OPHN1: variants seen among roughly 807,000 people sequenced by gnomAD.
OPHN1 encodes the protein oligophrenin 1.
A neutral mutation model predicts 60.7 loss-of-function variants in OPHN1; 11 were observed. That is an observed-to-expected ratio of 0.18 (90% confidence interval 0.11 to 0.30). OPHN1 has a LOEUF of 0.30. Ranked by LOEUF, OPHN1 falls within the 10% of genes least tolerant of loss-of-function variation. The pLI, the probability that OPHN1 is intolerant of heterozygous loss-of-function variation, is 1.00. For missense variants in OPHN1, 449 were observed against 611.0 expected (o/e 0.73, Z 2.80); for synonymous variants, 226 against 222.6 (o/e 1.02, Z -0.14).
At chrX:68,297,703 G>C (rs1266048313) in intron 3 of OPHN1, among the ~76,000 whole-genome samples, 2 of 111,071 alleles carry the variant, frequency 1.8e-5, no homozygotes, top group Non-Finnish European at 3.8e-5. Flanking sequence ...AACATCTACT[G>C]TATGCCAGGC....
intron 23 of OPHN1, among the ~76,000 whole-genome samples, chrX:68,050,633 T>A (rs1048089534): frequency 1.8e-4 from 20 of 112,368 alleles, no homozygotes; most frequent in Non-Finnish European, 1.9e-5. Context: ...AGCTTGCAGA[T>A]CAATAACTGC....
At chrX:68,245,310 T>C (rs1377589415) in intron 5 of OPHN1, among the ~76,000 whole-genome samples, 1 of 111,985 alleles carries the variant, frequency 8.9e-6, no homozygotes, top group Non-Finnish European at 1.9e-5. Context: ...GCACTCCTTG[T>C]ATGAAACATG....
chrX:68,398,371 T>G (rs2078696341), intron 2 of OPHN1, among the ~76,000 whole-genome samples: 1 of 112,219 alleles, frequency 8.9e-6, no homozygotes, highest in Non-Finnish European at 1.9e-5. Context: ...CCCAGTGGAA[T>G]AGTTTCCAAA....
At chrX:68,338,107 C>T (rs1473645568) in intron 2 of OPHN1, among the ~76,000 whole-genome samples, 76 of 111,760 alleles carry the variant, frequency 6.8e-4, no homozygotes, top group Middle Eastern at 4.6e-3. Context: ...CCGCCCACCT[C>T]GGCTCTTCCC....
intron 4 of OPHN1, 62 bp from the exon 5 acceptor site, chrX:68,274,871 T>C: frequency 1.2e-6 from 1 of 822,098 alleles, no homozygotes; most frequent in Non-Finnish European, 1.8e-6. Flanking sequence ...GATACAAGAT[T>C]CCTTGTTACT....
chrX:68,207,972 T>A (rs1372330639), intron 9 of OPHN1, among the ~76,000 whole-genome samples: 1 of 111,367 alleles, frequency 9.0e-6, no homozygotes, highest in African/African-American at 3.3e-5. Context: ...ATACCTGGAA[T>A]TCCCTTCCTC....
At chrX:68,048,172 G>A (rs1208785275) in intron 24 of OPHN1, among the ~76,000 whole-genome samples, 1 of 111,841 alleles carries the variant, frequency 8.9e-6, no homozygotes, top group East Asian at 2.8e-4. Context: ...ATCTGTAAAA[G>A]CGTGCCATAG....
chrX:68,296,718 T>C lies in OPHN1; in HGVS notation c.250+2283A>G, dbSNP rs1314447766. ...GCTGATGCCTGTAATCACAGAGCTT[T>C]GGGAGACCAAGGTGGTGGGAGGATA... On this transcript the variant is annotated intron_variant, in intron 3 of 24. Transcript: ENST00000355520. 4.6e-5 allele frequency among the ~76,000 whole-genome samples: 5 copies of C among 108,533 alleles called. No homozygotes were observed. The East Asian group carries it at 1.4e-3, about 31-fold the overall frequency. The allele number at this position is 108,533 out of a possible 115,157, so 94.2% of individuals were successfully genotyped here.
At chrX:68,160,261 C>T (rs1022821261) in intron 15 of OPHN1, among the ~76,000 whole-genome samples, 16 of 110,650 alleles carry the variant, frequency 1.4e-4, no homozygotes, top group African/African-American at 5.2e-4. Context: ...CAACTAACAA[C>T]AGAGTACCAA....
chrX:68,211,052 A>C (rs779615144), intron 8 of OPHN1, among the ~76,000 whole-genome samples: 1 of 111,488 alleles, frequency 9.0e-6, no homozygotes, highest in African/African-American at 3.3e-5. Context: ...ATATAGAGGA[A>C]GATTCATGGG....
At chrX:68,157,601 TG>T (rs2077315050) in intron 15 of OPHN1, among the ~76,000 whole-genome samples, 1 of 111,329 alleles carries the variant, frequency 9.0e-6, no homozygotes, top group South Asian at 3.8e-4. Context: ...GAGGAGGGCG[TG>T]GGTTGAAAAA....
chrX:68,416,055 TATATATATATATAGAGAGAGAG>T (rs1425361156), intron 2 of OPHN1, among the ~76,000 whole-genome samples: 167 of 8,765 alleles, frequency 0.019, no homozygotes, highest in African/African-American at 0.022. Flanking sequence ...TATATATATA[TATATATATATATAGAGAGAGAG>T]AGAGAGAGAG....
At chrX:68,182,109 A>G (rs1307611815) in intron 15 of OPHN1, among the ~76,000 whole-genome samples, 4 of 109,593 alleles carry the variant, frequency 3.6e-5, no homozygotes, top group Non-Finnish European at 7.6e-5. Context: ...CACCTTAGGC[A>G]CCGGAGTGAG....
intron 11 of OPHN1, among the ~76,000 whole-genome samples, chrX:68,200,876 A>G (rs1014997724): frequency 4.5e-5 from 5 of 112,004 alleles, no homozygotes; most frequent in Non-Finnish European, 9.4e-5. Flanking sequence ...GGTTGAGATA[A>G]AATCTAGAAA....
intron 23 of OPHN1, 88 bp downstream of exon 23, chrX:68,052,452 A>C: frequency 1.2e-6 from 1 of 858,687 alleles, no homozygotes; most frequent in Non-Finnish European, 1.7e-6. Context: ...ACAAAAAGAG[A>C]AAGATGTTAG....
chrX:68,274,681 C>T (rs1229181384), intron 5 of OPHN1, 57 bp downstream of exon 5: 21 of 782,654 alleles, frequency 2.7e-5, no homozygotes, highest in Non-Finnish European at 4.1e-5. Context: ...GAATAGTAGC[C>T]CATACAACTA....
At chrX:68,196,547 AAGAAACC>A (rs1299452608) in intron 12 of OPHN1, among the ~76,000 whole-genome samples, 1 of 112,041 alleles carries the variant, frequency 8.9e-6, no homozygotes, top group Non-Finnish European at 1.9e-5. Context: ...ATATGCCACT[AAGAAACC>A]AGAATGTTTT....
intron 15 of OPHN1, among the ~76,000 whole-genome samples, chrX:68,190,279 G>C (rs749368973): frequency 1.6e-3 from 181 of 112,133 alleles, no homozygotes; most frequent in Non-Finnish European, 3.0e-3. Context: ...AAAACACAGG[G>C]AATATGTTCA....
chrX:68,123,986 C>CA (rs751164560), intron 15 of OPHN1, among the ~76,000 whole-genome samples: 1 of 109,719 alleles, frequency 9.1e-6, no homozygotes, highest in Non-Finnish European at 1.9e-5. Context: ...CTCTTGCCTA[C>CA]AAAAAACACA....
Sources: allele counts gnomAD v4.1 joint callset (sites outside exome capture counted in the v4.1 genomes callset), GRCh38; gene constraint gnomAD v4.1.1; transcripts MANE v1.5; gene names NCBI Gene and HGNC (gene_info 2026-07-23, HGNC 2026-07-21).